TNKS: variants seen among roughly 807,000 people sequenced by gnomAD.
The protein encoded by TNKS is tankyrase.
A neutral mutation model predicts 135.8 loss-of-function variants in TNKS; 72 were observed. The observed-to-expected ratio is 0.53, with a 90% CI of 0.44 to 0.64. The LOEUF (loss-of-function observed/expected upper bound fraction) is 0.64. Among genes scored for constraint, TNKS ranks in the 30% least tolerant of loss-of-function variants. The pLI, the probability that TNKS is intolerant of heterozygous loss-of-function variation, is 0.00. For synonymous variants in TNKS, 849 were observed against 649.3 expected, an observed-to-expected ratio of 1.31 and a Z score of -4.68; for missense variants, 1,769 against 1,674.0, an observed-to-expected ratio of 1.06 and a Z score of -0.99.
At chr8:9,659,099 A>G (rs1175175023) in intron 3 of TNKS, among the ~76,000 whole-genome samples, 1 of 152,154 alleles carries the variant, frequency 6.6e-6, no homozygotes, top group Non-Finnish European at 1.5e-5. Flanking sequence ...TCCTTAGTGA[A>G]GTACAAAGAG....
At chr8:9,599,882 T>C (rs560385276) in intron 2 of TNKS, among the ~76,000 whole-genome samples, 64 of 152,300 alleles carry the variant, frequency 4.2e-4, no homozygotes, top group African/African-American at 1.4e-3. Flanking sequence ...TATTGTAAAA[T>C]TTCATGCCAG....
Position 9,776,905 on chromosome 8 carries a change from C to T in TNKS, c.*169C>T, listed in dbSNP as rs1177893215. On this transcript the variant is annotated 3_prime_UTR_variant, in exon 27 of 27. Transcript: ENST00000310430. ...TGATGAATAGTATGAGTAACTGATA[C>T]ATACTCAACTGCTACTGTTCCCTTT... 3.3e-6 allele frequency: 2 copies of T among 602,574 alleles called. No individual in the cohort carries two copies. The highest frequency in any genetic ancestry group is 2.9e-6 in the Non-Finnish European group (1 of 349,578). 37.3% of individuals were successfully genotyped at this position (602,574 alleles called of 1,614,324 possible). A position where few individuals can be genotyped will look rare whatever the true frequency, so the allele number is the denominator to read the frequency against.
At chr8:9,674,805 G>T (rs1000303899) in intron 3 of TNKS, among the ~76,000 whole-genome samples, 6 of 152,180 alleles carry the variant, frequency 3.9e-5, no homozygotes, top group African/African-American at 1.4e-4. Context: ...AAAATACTCT[G>T]TTCAAACTTA....
In TNKS at chr8:9,555,943, G is replaced by C; in HGVS notation, c.4G>C (p.Ala2Pro). 6.2e-7 allele frequency: 1 copy of C among 1,609,874 alleles called. No individual in the cohort carries two copies. The highest frequency in any genetic ancestry group is 8.5e-7 in the Non-Finnish European group (1 of 1,178,370). ...ACAGTGCTAGGGGAGTCCGAAGATGGCGGCGTCGCGTCGCTCTCAGCATCA... is the reference window on the plus strand; with the variant it reads ...ACAGTGCTAGGGGAGTCCGAAGATGCCGGCGTCGCGTCGCTCTCAGCATCA... M[A>P]ASRRSQHHHH... is the part of the protein sequence containing the mutation. Residue 2 changes from alanine (A) to proline (P), a missense_variant, in exon 1 of 27, where the codon GCG becomes CCG. Coordinates refer to ENST00000310430, the MANE Select transcript of TNKS (RefSeq NM_003747.3).
chr8:9,740,800 A>G (rs180819263), intron 17 of TNKS: 5 of 148,004 alleles, frequency 3.4e-5, no homozygotes, highest in East Asian at 2.0e-4. Context: ...AACATACTAC[A>G]TATACATTTA....
chr8:9,564,338 A>C (rs903838802), intron 1 of TNKS, among the ~76,000 whole-genome samples: 1 of 152,180 alleles, frequency 6.6e-6, no homozygotes, highest in Non-Finnish European at 1.5e-5. Flanking sequence ...GATAGGAGGC[A>C]TATCATCAAA....
At chr8:9,736,452 A>C (rs1171535570) in intron 17 of TNKS, among the ~76,000 whole-genome samples, 2 of 151,982 alleles carry the variant, frequency 1.3e-5, no homozygotes, top group African/African-American at 2.4e-5. Flanking sequence ...GAAAGTCCAG[A>C]GTTTTGGACA....
In TNKS at chr8:9,629,946, T is replaced by G. The variant is rs541467534; in HGVS notation, c.994+14269T>G. Among the ~76,000 whole-genome samples the G allele has an allele frequency of 5.3e-5, 8 of 152,298 alleles. No homozygotes were observed. In the East Asian group the frequency reaches 1.5e-3, roughly 29 times the overall value. On this transcript the variant is annotated intron_variant, in intron 3 of 26. Transcript: ENST00000310430. ...ATCCGCCCGCCTCGGCCTCCCAAAG[T>G]GCTGGGATTACAGACATGAGCCACC...
intron 2 of TNKS, among the ~76,000 whole-genome samples, chr8:9,603,390 G>C (rs971349597): frequency 6.6e-6 from 1 of 152,146 alleles, no homozygotes; most frequent in African/African-American, 2.4e-5. Context: ...TAAAAATTCA[G>C]ATTATCAGTT....
At chr8:9,769,382 C>G (rs1034517818) in intron 25 of TNKS, among the ~76,000 whole-genome samples, 1 of 152,162 alleles carries the variant, frequency 6.6e-6, no homozygotes, top group African/African-American at 2.4e-5. Context: ...GATTTTCAGC[C>G]ATACATTTAA....
At chr8:9,675,800 T>TA (rs769834384) in intron 3 of TNKS, among the ~76,000 whole-genome samples, 3 of 152,118 alleles carry the variant, frequency 2.0e-5, no homozygotes, top group Non-Finnish European at 4.4e-5. Context: ...AGATAATGGA[T>TA]AATACTTAGT....
intron 1 of TNKS, among the ~76,000 whole-genome samples, chr8:9,572,513 C>A (rs990942782): frequency 2.0e-5 from 3 of 152,154 alleles, no homozygotes; most frequent in African/African-American, 7.2e-5. Flanking sequence ...CTCTTATTCT[C>A]TTCTGTTTCA....
intron 1 of TNKS, among the ~76,000 whole-genome samples, chr8:9,570,976 A>C (rs1461271062): frequency 2.0e-5 from 3 of 152,230 alleles, no homozygotes; most frequent in Admixed American, 2.0e-4. Context: ...TCTTAAATAA[A>C]AAAATAAATA....
intron 14 of TNKS, among the ~76,000 whole-genome samples, chr8:9,732,462 A>C (rs1805492437): frequency 6.6e-6 from 1 of 151,998 alleles, no homozygotes; most frequent in Non-Finnish European, 1.5e-5. Flanking sequence ...GTATTTATTT[A>C]TCTTTTAAAA....
chr8:9,660,676 C>G (rs1482564700), intron 3 of TNKS, among the ~76,000 whole-genome samples: 3 of 152,158 alleles, frequency 2.0e-5, no homozygotes, highest in African/African-American at 2.4e-5. Context: ...AACACTGGCA[C>G]AAGACAGGGT....
In TNKS at chr8:9,706,443, A is replaced by G. The variant is rs576532048; in HGVS notation, c.1269+190A>G. 4.6e-5 allele frequency among the ~76,000 whole-genome samples: 7 copies of G among 152,258 alleles called. No individual in the cohort carries two copies. The South Asian group carries it at 1.4e-3, about 32-fold the overall frequency. The stretch of plus-strand genomic sequence containing the variant: ...CAGTGGCACATTCACAGCTCACTGC[A>G]GCCTCAACCTCCCAAGTTCAAGTGA... On this transcript the variant is annotated intron_variant, in intron 7 of 26. Transcript: ENST00000310430.
intron 1 of TNKS, 125 bp downstream of exon 1, chr8:9,556,737 C>G (rs1330806474): frequency 3.7e-6 from 4 of 1,078,398 alleles, no homozygotes; most frequent in Non-Finnish European, 4.0e-6. Flanking sequence ...CATCACCTCA[C>G]CAGAAGACTG....
chr8:9,568,544 A>G (rs925291755), intron 1 of TNKS, among the ~76,000 whole-genome samples: 1 of 152,218 alleles, frequency 6.6e-6, no homozygotes, highest in Non-Finnish European at 1.5e-5. Context: ...TTATATGTAA[A>G]TATGTGTAAA....
At chr8:9,637,062 AAG>A (rs1800540044) in intron 3 of TNKS, among the ~76,000 whole-genome samples, 1 of 152,212 alleles carries the variant, frequency 6.6e-6, no homozygotes. Context: ...GAATACAGTG[AAG>A]AATATGCTCA....
Sources: allele counts gnomAD v4.1 joint callset (sites outside exome capture counted in the v4.1 genomes callset), GRCh38; gene constraint gnomAD v4.1.1; transcripts MANE v1.5; gene names NCBI Gene and HGNC (gene_info 2026-07-23, HGNC 2026-07-21).